Variants in DRC4 observed in about 807,000 individuals in gnomAD.
DRC4 encodes dynein regulatory complex subunit 4.
chr16:90,036,874 G>A, the DRC4 span: 1 of 586,264 alleles, frequency 1.7e-6, no homozygotes, highest in Non-Finnish European at 3.1e-6. Context: ...CGCAGTGAGG[G>A]CCGTGATGTG....
chr16:90,037,838 G>A, the DRC4 span: 18 of 1,613,854 alleles, frequency 1.1e-5, no homozygotes, highest in Non-Finnish European at 1.4e-5. Context: ...TTAGAGCAGC[G>A]ATTCACCAAG....
At chr16:90,021,274 C>T in the DRC4 span, among the ~76,000 whole-genome samples, 1 of 152,196 alleles carries the variant, frequency 6.6e-6, no homozygotes, top group Non-Finnish European at 1.5e-5. Context: ...CAACTTCCTC[C>T]CCCAGCTGGA....
At chr16:90,037,913 A>T in the DRC4 span, 6 of 1,446,094 alleles carry the variant, frequency 4.1e-6, no homozygotes, top group South Asian at 5.7e-5. Context: ...CACCAAGTTC[A>T]CCAAGGTGAG....
the DRC4 span, chr16:90,027,611 T>C: frequency 6.2e-7 from 1 of 1,610,864 alleles, no homozygotes; most frequent in Non-Finnish European, 8.5e-7. Context: ...TTAGAGTCTC[T>C]CTTACCCCAT....
At chr16:90,042,808 AGGGAGT>A in the DRC4 span, 1 of 524,178 alleles carries the variant, frequency 1.9e-6, no homozygotes, top group Non-Finnish European at 3.5e-6. Context: ...TCCCCTGGGC[AGGGAGT>A]CAGAAGGTGC....
At chr16:90,041,240 A>G in the DRC4 span, among the ~76,000 whole-genome samples, 1 of 152,180 alleles carries the variant, frequency 6.6e-6, no homozygotes, top group South Asian at 2.1e-4. Context: ...ATGTGGGTCA[A>G]CCCCTCCTTT....
the DRC4 span, chr16:90,022,716 G>A: frequency 2.1e-6 from 3 of 1,420,488 alleles, no homozygotes; most frequent in African/African-American, 1.5e-5. Flanking sequence ...CCTGTCCGCT[G>A]GCGTCATGGT....
At chr16:90,030,854 G>C in the DRC4 span, among the ~76,000 whole-genome samples, 40 of 152,108 alleles carry the variant, frequency 2.6e-4, no homozygotes, top group African/African-American at 9.4e-4. Flanking sequence ...CTGGGCGCGA[G>C]GGATCCTTCA....
chr16:90,034,944 C>T, the DRC4 span, among the ~76,000 whole-genome samples: 4 of 114,660 alleles, frequency 3.5e-5, no homozygotes, highest in South Asian at 3.2e-4. Context: ...GCTCTTGTTG[C>T]CCAGGCTGGA....
chr16:90,036,596 G>C, the DRC4 span: 4 of 1,562,262 alleles, frequency 2.6e-6, no homozygotes, highest in East Asian at 2.4e-5. Flanking sequence ...GGTGCTGTGC[G>C]TGGGCTGGGC....
At chr16:90,042,313 A>T in the DRC4 span, 1 of 684,022 alleles carries the variant, frequency 1.5e-6, no homozygotes. Context: ...ACCCTTGGAG[A>T]CCTTTTTCTG....
chr16:90,023,390 G>T, the DRC4 span, among the ~76,000 whole-genome samples: 1 of 152,140 alleles, frequency 6.6e-6, no homozygotes, highest in South Asian at 2.1e-4. Flanking sequence ...CTCTTGTAAA[G>T]GGCTCTCCCT....
At chr16:90,021,624 T>C in the DRC4 span, among the ~76,000 whole-genome samples, 1 of 151,956 alleles carries the variant, frequency 6.6e-6, no homozygotes, top group Non-Finnish European at 1.5e-5. Flanking sequence ...CCCAGCACTT[T>C]GGGAGGCCGA....
the DRC4 span, chr16:90,036,464 G>A: frequency 6.2e-7 from 1 of 1,614,062 alleles, no homozygotes; most frequent in Non-Finnish European, 8.5e-7. Flanking sequence ...CCACGAAGTG[G>A]AGGAGAGGAA....
chr16:90,044,234 C>T, the DRC4 span: 1 of 452,182 alleles, frequency 2.2e-6, no homozygotes, highest in Admixed American at 2.5e-5. Flanking sequence ...ATGAAAACCT[C>T]TGTCAACAAA....
the DRC4 span, chr16:90,042,464 C>T: frequency 6.2e-7 from 1 of 1,613,672 alleles, no homozygotes; most frequent in Non-Finnish European, 8.5e-7. Flanking sequence ...ACCTCTCTCT[C>T]CTCAGGATGT....
the DRC4 span, chr16:90,037,360 A>T: frequency 6.2e-7 from 1 of 1,613,944 alleles, no homozygotes. Flanking sequence ...AGATGCAGAA[A>T]CAGCTCGCAA....
chr16:90,027,849 G>A, the DRC4 span: 9 of 821,372 alleles, frequency 1.1e-5, no homozygotes, highest in Admixed American at 4.9e-5. Context: ...CACGCCCCCC[G>A]CGTGGCCCAT....
chr16:90,040,328 G>T, the DRC4 span: 1 of 1,598,056 alleles, frequency 6.3e-7, no homozygotes, highest in East Asian at 2.3e-5. Flanking sequence ...GAGCTCTATC[G>T]GAAGTTCACC....
Sources: allele counts gnomAD v4.1 joint callset (sites outside exome capture counted in the v4.1 genomes callset), GRCh38; gene constraint gnomAD v4.1.1; transcripts MANE v1.5; gene names NCBI Gene and HGNC (gene_info 2026-07-23, HGNC 2026-07-21).